Variants in ADAM12 observed in about 807,000 individuals in gnomAD.
ADAM12 encodes the protein ADAM metallopeptidase domain 12, also known as disintegrin and metalloproteinase domain-containing protein 12.
A neutral mutation model predicts 106.4 loss-of-function variants in ADAM12; 70 were observed. The observed-to-expected ratio is 0.66, with a 90% CI of 0.54 to 0.80. The LOEUF is 0.80. Ranked by LOEUF, ADAM12 falls within the 30% of genes least tolerant of loss-of-function variation. The pLI, the probability that ADAM12 is intolerant of heterozygous loss-of-function variation, is 0.00. For synonymous variants in ADAM12, 420 were observed against 433.5 expected (o/e 0.97, Z 0.39); for missense variants, 1,010 against 1,171.9 (o/e 0.86, Z 2.02).
At chr10:126,197,125 G>A (rs1957611335) in intron 3 of ADAM12, among the ~76,000 whole-genome samples, 1 of 152,088 alleles carries the variant, frequency 6.6e-6, no homozygotes, top group Admixed American at 6.5e-5. Context: ...GGTCCCAGGT[G>A]GAGGCAGGGG....
chr10:126,338,653 T>C (rs1037225463), intron 1 of ADAM12, among the ~76,000 whole-genome samples: 28 of 152,166 alleles, frequency 1.8e-4, no homozygotes, highest in African/African-American at 6.0e-4. Flanking sequence ...TTTCTCAAAG[T>C]TGCCTAATAA....
chr10:126,338,712 T>C (rs1361259141), intron 1 of ADAM12, among the ~76,000 whole-genome samples: 1 of 152,206 alleles, frequency 6.6e-6, no homozygotes, highest in Non-Finnish European at 1.5e-5. Context: ...GCATGTCAAA[T>C]ACATACATTC....
At chr10:126,322,656 C>A (rs1250678743) in intron 2 of ADAM12, among the ~76,000 whole-genome samples, 1 of 152,194 alleles carries the variant, frequency 6.6e-6, no homozygotes, top group African/African-American at 2.4e-5. Context: ...TAGGGCATGG[C>A]ATCAGGTCAC....
At chr10:126,272,035 AAG>A (rs1444437626) in intron 3 of ADAM12, among the ~76,000 whole-genome samples, 1 of 152,162 alleles carries the variant, frequency 6.6e-6, no homozygotes, top group Non-Finnish European at 1.5e-5. Flanking sequence ...TGCACAGCTT[AAG>A]AGCTGCTTCA....
intron 18 of ADAM12, among the ~76,000 whole-genome samples, chr10:126,040,744 A>G (rs1332733894): frequency 6.6e-6 from 1 of 152,202 alleles, no homozygotes; most frequent in African/African-American, 2.4e-5. Context: ...AAAATCTTGA[A>G]CTATAATTTC....
intron 3 of ADAM12, among the ~76,000 whole-genome samples, chr10:126,219,663 CCAA>C (rs1442483371): frequency 6.6e-6 from 1 of 152,142 alleles, no homozygotes; most frequent in Non-Finnish European, 1.5e-5. Context: ...TGTCTAGAAG[CCAA>C]CTTTTCTCAC....
At chr10:126,067,026 A>G (rs1002974889) in intron 12 of ADAM12, 3 of 514,554 alleles carry the variant, frequency 5.8e-6, no homozygotes, top group African/African-American at 3.9e-5. Flanking sequence ...AGTAGCACAC[A>G]AGTGCCCTCA....
At chr10:126,383,743 C>T (rs1482009161) in intron 1 of ADAM12, among the ~76,000 whole-genome samples, 2 of 152,012 alleles carry the variant, frequency 1.3e-5, no homozygotes, top group Non-Finnish European at 2.9e-5. Context: ...GAATTTTATA[C>T]CTAAACAAAC....
intron 2 of ADAM12, among the ~76,000 whole-genome samples, chr10:126,329,447 T>C (rs1258456404): frequency 6.6e-6 from 1 of 152,236 alleles, no homozygotes; most frequent in Non-Finnish European, 1.5e-5. Context: ...GAATTTTCTT[T>C]AATATCTTAA....
intron 3 of ADAM12, among the ~76,000 whole-genome samples, chr10:126,189,325 G>A (rs1196999734): frequency 6.6e-6 from 1 of 152,206 alleles, no homozygotes; most frequent in Non-Finnish European, 1.5e-5. Context: ...CAGTGGGGAT[G>A]AAGAATGGGG....
intron 8 of ADAM12, among the ~76,000 whole-genome samples, chr10:126,104,461 AAAAAG>A (rs991913098): frequency 1.4e-4 from 21 of 151,666 alleles, no homozygotes; most frequent in African/African-American, 4.4e-4. Context: ...AAAAAAAAAA[AAAAAG>A]AAAGAAAGAA....
intron 1 of ADAM12, among the ~76,000 whole-genome samples, chr10:126,339,918 G>C (rs531242070): frequency 6.8e-5 from 9 of 132,770 alleles, no homozygotes; most frequent in Admixed American, 2.7e-4. Context: ...GCAGTGGCCT[G>C]ATCTCAGCTC....
intron 1 of ADAM12, among the ~76,000 whole-genome samples, chr10:126,372,178 T>A (rs988403213): frequency 2.0e-5 from 3 of 152,132 alleles, no homozygotes; most frequent in African/African-American, 7.2e-5. Context: ...TGGATACCCA[T>A]CTACCATGAG....
At chr10:126,178,648 C>T in intron 3 of ADAM12, among the ~76,000 whole-genome samples, 1 of 151,954 alleles carries the variant, frequency 6.6e-6, no homozygotes, top group Admixed American at 6.6e-5. Context: ...AAAGATGAAA[C>T]CAAAACTCTT....
At chr10:126,095,740 C>T (rs1200757520) in intron 10 of ADAM12, among the ~76,000 whole-genome samples, 5 of 152,052 alleles carry the variant, frequency 3.3e-5, no homozygotes, top group Admixed American at 3.3e-4. Context: ...TGGGACTCTT[C>T]AGAGAGTCCT....
intron 3 of ADAM12, among the ~76,000 whole-genome samples, chr10:126,276,535 A>G (rs1252194773): frequency 1.3e-5 from 2 of 152,182 alleles, no homozygotes; most frequent in Non-Finnish European, 2.9e-5. Flanking sequence ...TTTTGCAAAA[A>G]AATTGTTATA....
intron 3 of ADAM12, among the ~76,000 whole-genome samples, chr10:126,192,446 G>A (rs1221679832): frequency 6.6e-6 from 1 of 152,158 alleles, no homozygotes; most frequent in Non-Finnish European, 1.5e-5. Context: ...AAAGGCTTAT[G>A]TTCAATGGGA....
intron 1 of ADAM12, among the ~76,000 whole-genome samples, chr10:126,369,395 A>C (rs765405890): frequency 6.6e-6 from 1 of 152,196 alleles, no homozygotes; most frequent in Non-Finnish European, 1.5e-5. Context: ...TTAGAATGTG[A>C]TAAGTGCTCT....
chr10:126,155,930 A>C (rs1181296524), intron 3 of ADAM12, among the ~76,000 whole-genome samples: 1 of 146,626 alleles, frequency 6.8e-6, no homozygotes, highest in Non-Finnish European at 1.5e-5. Flanking sequence ...GATAAATTGA[A>C]AGGGGGAGGA....
Sources: allele counts gnomAD v4.1 joint callset (sites outside exome capture counted in the v4.1 genomes callset), GRCh38; gene constraint gnomAD v4.1.1; transcripts MANE v1.5; gene names NCBI Gene and HGNC (gene_info 2026-07-23, HGNC 2026-07-21).